The following GPHN variants were observed in gnomAD, a reference collection of about 807,000 sequenced individuals.
The protein encoded by GPHN is gephyrin.
GPHN carries 17 observed loss-of-function variants against 95.5 expected under a neutral mutation model. The ratio of observed to expected loss-of-function variants is 0.18; its 90% CI spans 0.12 to 0.27. The LOEUF is 0.27. Ranked by LOEUF, GPHN falls within the 10% of genes least tolerant of loss-of-function variation. The pLI is 1.00. For synonymous variants in GPHN, 320 were observed against 322.5 expected (o/e 0.99, Z 0.08); for missense variants, 660 against 978.1 (o/e 0.67, Z 4.34).
At chr14:67,439,545 CTTTCTTTCTTTCTTTCTT>C in the GPHN span, among the ~76,000 whole-genome samples, 496 of 137,990 alleles carry the variant, frequency 3.6e-3, 2 homozygotes, top group Middle Eastern at 0.022. Flanking sequence ...TTCTTTCTTT[CTTTCTTTCTTTCTTTCTT>C]TCTTTCTTTC....
In GPHN at chr14:66,508,360, C is replaced by A. The variant is rs908542796; in HGVS notation, c.-168C>A. 5 of 693,964 alleles carry A rather than the reference C, an allele frequency of 7.2e-6. No homozygotes were observed. The highest frequency in any genetic ancestry group is 1.0e-5 in the Non-Finnish European group (4 of 387,852). 43.0% of individuals were successfully genotyped at this position (693,964 alleles called of 1,614,324 possible). A position where few individuals can be genotyped will look rare whatever the true frequency, so the allele number is the denominator to read the frequency against. ...CGCACTCCCGGCGCGGCCTCTCCCC[C>A]ACGCAGGCCACCGTGCACTCTGTGG... On this transcript the variant is annotated 5_prime_UTR_variant, in exon 1 of 23. Coordinates refer to ENST00000478722, the MANE Select transcript of GPHN (RefSeq NM_020806.5).
chr14:67,199,347 T>C, the GPHN span: 1 of 1,613,980 alleles, frequency 6.2e-7, no homozygotes, highest in Non-Finnish European at 8.5e-7. Flanking sequence ...AACAAAAACC[T>C]GGATGTAGGG....
chr14:67,400,715 C>G, the GPHN span, among the ~76,000 whole-genome samples: 1 of 151,710 alleles, frequency 6.6e-6, no homozygotes, highest in African/African-American at 2.4e-5. Context: ...GGGCTGAGCT[C>G]GGTGGTTCAC....
rs117177209 is a variant in GPHN at position 66,734,275 on chromosome 14, C to T, written c.144-42189C>T. On this transcript the variant is annotated intron_variant, in intron 2 of 22. Coordinates refer to ENST00000478722, the MANE Select transcript of GPHN (RefSeq NM_020806.5). Reference sequence around the variant, plus strand: ...AGACCCTGGTTCCTGACCTTCTCTCCAATCTCATCTCATCACCATTTTATT... The same window carrying T: ...AGACCCTGGTTCCTGACCTTCTCTCTAATCTCATCTCATCACCATTTTATT... Among the ~76,000 whole-genome samples, 3 of 152,148 alleles carry T rather than the reference C, an allele frequency of 2.0e-5. No individual in the cohort carries two copies. In the East Asian group the frequency reaches 5.8e-4, roughly 29 times the overall value.
intron 1 of GPHN, among the ~76,000 whole-genome samples, chr14:66,577,751 C>T (rs2060967719): frequency 6.6e-6 from 1 of 151,862 alleles, no homozygotes. Flanking sequence ...AGGAATTTTG[C>T]ATGAGGAGAG....
At chr14:67,608,723 C>T in the GPHN span, among the ~76,000 whole-genome samples, 1 of 152,222 alleles carries the variant, frequency 6.6e-6, no homozygotes, top group African/African-American at 2.4e-5. Context: ...AGTCCAGGAT[C>T]ATGTTGCCTG....
the GPHN span, chr14:67,386,394 T>C: frequency 6.6e-6 from 1 of 152,230 alleles, no homozygotes; most frequent in Non-Finnish European, 1.5e-5. Flanking sequence ...TAAATGTAAG[T>C]TATGTATTTT....
At chr14:67,033,240 G>GA (rs1211463368) in intron 10 of GPHN, among the ~76,000 whole-genome samples, 3 of 151,548 alleles carry the variant, frequency 2.0e-5, no homozygotes, top group East Asian at 1.9e-4. Flanking sequence ...GGAGCAAAAA[G>GA]AAAAAAAAGG....
the GPHN span, chr14:67,575,433 T>G: frequency 1.2e-6 from 2 of 1,610,222 alleles, no homozygotes; most frequent in Non-Finnish European, 1.7e-6. Flanking sequence ...GCGCTCTTGT[T>G]GGGAAAATCT....
intron 1 of GPHN, among the ~76,000 whole-genome samples, chr14:66,678,469 A>G (rs1048026519): frequency 2.1e-4 from 31 of 150,676 alleles, no homozygotes; most frequent in African/African-American, 7.6e-4. Context: ...TTTCTCATTT[A>G]GATCACCAGT....
chr14:67,505,377 G>T, the GPHN span, among the ~76,000 whole-genome samples: 2 of 152,178 alleles, frequency 1.3e-5, no homozygotes, highest in African/African-American at 2.4e-5. Flanking sequence ...CTGCAACTGG[G>T]AGGACATGGT....
intron 4 of GPHN, among the ~76,000 whole-genome samples, chr14:66,853,234 T>C (rs1379800952): frequency 1.3e-5 from 2 of 152,208 alleles, no homozygotes; most frequent in Non-Finnish European, 2.9e-5. Flanking sequence ...AAATGTCAGA[T>C]TTTGAAAACA....
At chr14:66,595,280 A>C (rs1425854094) in intron 1 of GPHN, among the ~76,000 whole-genome samples, 1 of 152,232 alleles carries the variant, frequency 6.6e-6, no homozygotes, top group Non-Finnish European at 1.5e-5. Flanking sequence ...CATGTCATCC[A>C]ACAATTTTAC....
At chr14:66,735,225 A>T (rs978590995) in intron 2 of GPHN, among the ~76,000 whole-genome samples, 1 of 152,200 alleles carries the variant, frequency 6.6e-6, no homozygotes, top group Non-Finnish European at 1.5e-5. Flanking sequence ...GAAACCAGCA[A>T]CATCTGTCAG....
chr14:66,522,351 T>C (rs2058517661), intron 1 of GPHN, among the ~76,000 whole-genome samples: 1 of 152,204 alleles, frequency 6.6e-6, no homozygotes, highest in Non-Finnish European at 1.5e-5. Context: ...AATTTTGTTC[T>C]AGCAACACTT....
intron 2 of GPHN, among the ~76,000 whole-genome samples, chr14:66,749,458 C>T (rs1285448385): frequency 6.6e-6 from 1 of 151,922 alleles, no homozygotes; most frequent in East Asian, 1.9e-4. Flanking sequence ...GCATTCTCAC[C>T]AGCAATAAAT....
chr14:67,063,749 T>C (rs2075919447), intron 11 of GPHN, among the ~76,000 whole-genome samples: 1 of 152,200 alleles, frequency 6.6e-6, no homozygotes, highest in Non-Finnish European at 1.5e-5. Flanking sequence ...TATTGGTGTA[T>C]AGGAATGCTT....
Position 66,599,391 on chromosome 14 carries a change from C to CTTTTTTTTTTTTTT in GPHN, c.65-81716_65-81715insTTTTTTTTTTTTTT, listed in dbSNP as rs1566679513. Among the ~76,000 whole-genome samples, 4 of 74,040 alleles carry CTTTTTTTTTTTTTT rather than the reference C, an allele frequency of 5.4e-5. No homozygotes were observed. The African/African-American group carries it at 6.4e-4, about 12-fold the overall frequency. 48.6% of individuals were successfully genotyped at this position (74,040 alleles called of 152,430 possible). A position where few individuals can be genotyped will look rare whatever the true frequency, so the allele number is the denominator to read the frequency against. On this transcript the variant is annotated intron_variant, in intron 1 of 22. Coordinates refer to ENST00000478722, the MANE Select transcript of GPHN (RefSeq NM_020806.5). ...TTCTCTGATTTTACATTTTTTTTTG[C>CTTTTTTTTTTTTTT]ATTTTTTTTTTTTTTTTGCTAGATG...
At chr14:67,038,234 T>C (rs974599162) in intron 10 of GPHN, among the ~76,000 whole-genome samples, 5 of 152,086 alleles carry the variant, frequency 3.3e-5, no homozygotes, top group African/African-American at 1.2e-4. Flanking sequence ...GTTCTACTTA[T>C]ATGAGACATC....
Sources: gnomAD v4.1 joint callset for allele counts (sites outside exome capture counted in the v4.1 genomes callset) on GRCh38, gnomAD v4.1.1 for gene constraint, MANE v1.5 for transcripts, NCBI Gene and HGNC (gene_info 2026-07-23, HGNC 2026-07-21) for gene names.